Variants in AMOTL1 observed in about 807,000 individuals in gnomAD.
The protein encoded by AMOTL1 is angiomotin like 1.
AMOTL1 carries 45 observed loss-of-function variants against 102.9 expected under a neutral mutation model. The ratio of observed to expected loss-of-function variants is 0.44; its 90% CI spans 0.34 to 0.56. AMOTL1 has a LOEUF of 0.56. AMOTL1 is among the 20% of genes least tolerant of loss of function. The pLI, the probability that AMOTL1 is intolerant of heterozygous loss-of-function variation, is 0.01. For synonymous variants in AMOTL1, 481 were observed against 484.7 expected (o/e 0.99, Z 0.10); for missense variants, 1,114 against 1,225.6 (o/e 0.91, Z 1.36).
chr11:94,830,315 T>C (rs1952046370), intron 5 of AMOTL1, 121 bp downstream of exon 5: 3 of 926,774 alleles, frequency 3.2e-6, no homozygotes, highest in Non-Finnish European at 1.5e-6. Flanking sequence ...TGGATAATCT[T>C]GTGTATTTCA....
At chr11:94,816,912 T>C (rs1280321653) in intron 3 of AMOTL1, among the ~76,000 whole-genome samples, 1 of 152,186 alleles carries the variant, frequency 6.6e-6, no homozygotes, top group Admixed American at 6.5e-5. Context: ...TGTTGAGAGA[T>C]AAAATTAGTT....
In AMOTL1 at chr11:94,858,310, A is replaced by G. The variant is rs141518145; in HGVS notation, c.1945-1215A>G. ...GCCCTTCTGCTCTGTTCCTACTTAT[A>G]ATGTTGGTCACTGGCAAGATAACAC... On this transcript the variant is annotated intron_variant, in intron 8 of 12. Coordinates refer to ENST00000433060, the MANE Select transcript of AMOTL1 (RefSeq NM_130847.3). 5.2e-3 allele frequency among the ~76,000 whole-genome samples: 794 copies of G among 152,252 alleles called. 7 individuals carry two copies. The highest frequency in any genetic ancestry group is 0.03 in the South Asian group (144 of 4,826).
chr11:94,734,464 G>T (rs1235684712), intron 2 of AMOTL1, among the ~76,000 whole-genome samples: 3 of 152,222 alleles, frequency 2.0e-5, no homozygotes, highest in African/African-American at 7.2e-5. Flanking sequence ...AATTCAGCCT[G>T]GGAGCTAATG....
intron 3 of AMOTL1, chr11:94,741,047 G>C (rs1205728711): frequency 1.6e-6 from 2 of 1,249,012 alleles, no homozygotes; most frequent in Non-Finnish European, 2.1e-6. Context: ...AGAACTGCGA[G>C]TTTGGGGGGC....
intron 4 of AMOTL1, among the ~76,000 whole-genome samples, chr11:94,829,835 T>C (rs908505472): frequency 6.6e-6 from 1 of 152,228 alleles, no homozygotes; most frequent in Non-Finnish European, 1.5e-5. Flanking sequence ...TCGGCCAGAC[T>C]TGTGAGCCTG....
chr11:94,831,614 AGTTTCAAGTGG>A, intron 6 of AMOTL1, 73 bp downstream of exon 6: 1 of 1,316,740 alleles, frequency 7.6e-7, no homozygotes, highest in Admixed American at 1.9e-5. Context: ...GAATCATATT[AGTTTCAAGTGG>A]GTTTTGTGCT....
At chr11:94,833,165 A>G (rs897729697) in intron 6 of AMOTL1, among the ~76,000 whole-genome samples, 3 of 152,328 alleles carry the variant, frequency 2.0e-5, no homozygotes, top group African/African-American at 7.2e-5. Flanking sequence ...GCATTTTTCA[A>G]CTGCTTAAAG....
intron 9 of AMOTL1, among the ~76,000 whole-genome samples, chr11:94,862,211 A>C (rs548881292): frequency 6.6e-6 from 1 of 152,210 alleles, no homozygotes; most frequent in African/African-American, 2.4e-5. Context: ...TGGGTGGGGG[A>C]ATAGGTTCAG....
In AMOTL1 at chr11:94,821,447, C is replaced by T. The variant is rs990897623; in HGVS notation, c.1122-83C>T. 3.5e-6 allele frequency: 5 copies of T among 1,421,524 alleles called. No homozygotes were observed. The African/African-American group carries it at 7.1e-5, about 20-fold the overall frequency. 88.1% of individuals were successfully genotyped at this position (1,421,524 alleles called of 1,614,324 possible). On this transcript the variant is annotated intron_variant, in intron 3 of 12. Transcript: ENST00000433060. ...GATGGCCTCTGACCATGGAAGCCAT[C>T]AACAGTGCCAGTATTGTTGGGGCTT...
At chr11:94,792,844 C>T (rs953921044) in intron 1 of AMOTL1, among the ~76,000 whole-genome samples, 13 of 152,182 alleles carry the variant, frequency 8.5e-5, no homozygotes, top group Non-Finnish European at 1.8e-4. Context: ...TTGGTGTCCT[C>T]TGTGCTCCGG....
Position 94,831,496 on chromosome 11 carries a change from G to A in AMOTL1, c.1603G>A (p.Glu535Lys), listed in dbSNP as rs749472808. The A allele has an allele frequency of 6.2e-7, 1 of 1,613,918 alleles. No homozygotes were observed. The highest frequency in any genetic ancestry group is 8.5e-7 in the Non-Finnish European group (1 of 1,179,814). ...ANRQLSSREY[E>K]GHEDKAAEGH... The stretch of plus-strand genomic sequence containing the variant: ...CAGGCAACTATCCAGCAGGGAATAC[G>A]AAGGGCATGAAGACAAAGCTGCAGA... Residue 535 changes from glutamate to lysine, a missense_variant, in exon 6 of 13, where the codon GAA becomes AAA. By Grantham distance (56) the Glu-to-Lys change is moderately conservative. Coordinates refer to ENST00000433060, the MANE Select transcript of AMOTL1 (RefSeq NM_130847.3).
chr11:94,863,625 A>G (rs904822868), intron 9 of AMOTL1, among the ~76,000 whole-genome samples: 1 of 152,156 alleles, frequency 6.6e-6, no homozygotes, highest in African/African-American at 2.4e-5. Context: ...ATGATTGTAC[A>G]TTGGAATATG....
At chr11:94,756,741 G>A (rs1000366215) in intron 3 of AMOTL1, among the ~76,000 whole-genome samples, 8 of 151,896 alleles carry the variant, frequency 5.3e-5, no homozygotes. Context: ...AGATATGGCC[G>A]AGTTTCCCCA....
Position 94,800,101 on chromosome 11 carries a change from T to C in AMOTL1, c.911T>C (p.Leu304Pro). The part of the protein sequence containing the change: ...PSPAQPAGKV[L>P]DPRGPPPEYP... ...CCTGCCCAGCCTGCAGGTAAAGTGC[T>C]GGACCCTCGGGGTCCTCCACCTGAG... The change falls in exon 3 of 13, where the codon CTG becomes CCG. Residue 304 changes from leucine (L) to proline (P), a missense_variant. Leu to Pro is a moderately conservative substitution (Grantham distance 98). Transcript: ENST00000433060. 6.2e-7 allele frequency: 1 copy of C among 1,613,962 alleles called. No homozygotes were observed. Among genetic ancestry groups the C allele is most frequent in the Non-Finnish European group, 8.5e-7 (1 of 1,179,856 alleles).
chr11:94,740,865 T>TTTTCCCGGG, intron 2 of AMOTL1: 1 of 1,114,934 alleles, frequency 9.0e-7, no homozygotes, highest in South Asian at 1.3e-5. Context: ...GACCTGCGCT[T>TTTTCCCGGG]GAGCTGGTGC....
chr11:94,834,721 T>C (rs916264697), intron 6 of AMOTL1, among the ~76,000 whole-genome samples: 2 of 152,174 alleles, frequency 1.3e-5, no homozygotes, highest in Non-Finnish European at 2.9e-5. Context: ...CATGCTCAGC[T>C]TTTTTGCTAG....
chr11:94,711,945 T>C (rs1013511570), intron 1 of AMOTL1, among the ~76,000 whole-genome samples: 1 of 152,224 alleles, frequency 6.6e-6, no homozygotes, highest in African/African-American at 2.4e-5. Flanking sequence ...TTTTCATTTA[T>C]TTGGGATAAA....
rs1953051862 is a variant in AMOTL1 at position 94,873,954 on chromosome 11, C to T, written c.*3159C>T. On this transcript the variant is annotated 3_prime_UTR_variant, in exon 13 of 13. Coordinates refer to ENST00000433060, the MANE Select transcript of AMOTL1 (RefSeq NM_130847.3). ...ACTATACCTAAAAAATATTTCTGCA[C>T]TTCCCAGAGACCTGGACTTCAAACT... The T allele has an allele frequency of 6.6e-6, 1 of 152,244 alleles. No individual in the cohort carries two copies. Among genetic ancestry groups the T allele is most frequent in the Non-Finnish European group, 1.5e-5 (1 of 68,056 alleles). The allele number at this position is 152,244 out of a possible 1,614,324, so 9.4% of individuals were successfully genotyped here.
intron 9 of AMOTL1, among the ~76,000 whole-genome samples, chr11:94,860,206 A>G (rs758774694): frequency 6.6e-6 from 1 of 152,212 alleles, no homozygotes; most frequent in Non-Finnish European, 1.5e-5. Context: ...AGCAGCCCTG[A>G]GGGCAGGTAT....
Sources: gnomAD v4.1 joint callset for allele counts (sites outside exome capture counted in the v4.1 genomes callset) on GRCh38, gnomAD v4.1.1 for gene constraint, MANE v1.5 for transcripts, NCBI Gene and HGNC (gene_info 2026-07-23, HGNC 2026-07-21) for gene names.